The following RAB27B variants were observed in gnomAD, a reference collection of about 807,000 sequenced individuals.
The protein encoded by RAB27B is ras-related protein Rab-27B.
RAB27B carries 15 observed loss-of-function variants against 24.6 expected under a neutral mutation model. The ratio of observed to expected loss-of-function variants is 0.61; its 90% confidence interval spans 0.41 to 0.94. RAB27B has a LOEUF of 0.94. Ranked by LOEUF, RAB27B falls within the 40% of genes least tolerant of loss-of-function variation. The pLI, the probability that RAB27B is intolerant of heterozygous loss-of-function variation, is 0.00. For missense variants in RAB27B, 261 were observed against 266.8 expected, an observed-to-expected ratio of 0.98 and a Z score of 0.15; for synonymous variants, 105 against 92.5, an observed-to-expected ratio of 1.14 and a Z score of -0.78.
chr18:54,718,150 G>A (rs1398319411), intron 2 of RAB27B: 1 of 152,170 alleles, frequency 6.6e-6, no homozygotes, highest in African/African-American at 2.4e-5. Flanking sequence ...GTGTGAGTAC[G>A]TTGGTCACAG....
chr18:54,824,940 C>T (rs1400268510), upstream of RAB27B, among the ~76,000 whole-genome samples: 1 of 152,014 alleles, frequency 6.6e-6, no homozygotes, highest in East Asian at 1.9e-4. Flanking sequence ...GTTGGGCCTG[C>T]ATTTTTGGGG....
At chr18:54,780,430 C>T (rs1908876793) in intron 2 of RAB27B, among the ~76,000 whole-genome samples, 1 of 144,986 alleles carries the variant, frequency 6.9e-6, no homozygotes, top group Non-Finnish European at 1.5e-5. Context: ...TGGCTTCCCC[C>T]TCACCGTGTC....
chr18:54,744,477 C>T (rs1270390526), intron 2 of RAB27B, among the ~76,000 whole-genome samples: 4 of 152,136 alleles, frequency 2.6e-5, no homozygotes, highest in African/African-American at 9.7e-5. Context: ...AGGCCCAAGG[C>T]TATCTGAGGA....
Position 54,813,193 on chromosome 18 carries a change from A to G in RAB27B, c.-19-64374A>G, listed in dbSNP as rs190260308. On this transcript the variant is annotated intron_variant, in intron 2 of 4. Coordinates refer to the RAB27B transcript ENST00000586570. ...CCCATCTGCTTATTGAAAAATAAAT[A>G]AGATAGGAGTTTCTTACCTTCTTCT... Among the ~76,000 whole-genome samples, 4 of 152,266 alleles carry G rather than the reference A, an allele frequency of 2.6e-5. No homozygotes were observed. The East Asian group carries it at 7.7e-4, about 29-fold the overall frequency.
In RAB27B at chr18:54,889,299, C is replaced by T. The variant is rs1568118396; in HGVS notation, c.543C>T (p.Ile181=). 3 of 1,613,408 alleles carry T rather than the reference C, an allele frequency of 1.9e-6. No homozygotes were observed. The highest frequency in any genetic ancestry group is 1.1e-5 in the South Asian group (1 of 91,032). ...EKAVETLLDL[I]MKRMEQCVEK... ...CTGTAGAAACCCTTTTGGACTTAAT[C>T]ATGAAGCGAATGGAACAGTGTGTGG... Residue 181 remains isoleucine (I), a synonymous_variant, in exon 6 of 6, where the codon ATC becomes ATT. Transcript: ENST00000262094.
At chr18:54,726,386 G>A (rs1909537982) in intron 2 of RAB27B, among the ~76,000 whole-genome samples, 1 of 151,442 alleles carries the variant, frequency 6.6e-6, no homozygotes. Flanking sequence ...ATTTTTGCTT[G>A]TTTTCAGGTT....
chr18:54,826,135 A>C (rs1288837474), upstream of RAB27B, among the ~76,000 whole-genome samples: 1 of 152,242 alleles, frequency 6.6e-6, no homozygotes, highest in Admixed American at 6.5e-5. Context: ...TTGAGGAGAG[A>C]TGAAATACAT....
rs1411878846 is a variant in RAB27B, at chr18:54,889,641, A to T, written c.*228A>T. 2.5e-6 allele frequency: 1 copy of T among 404,488 alleles called. No individual in the cohort carries two copies. 25.1% of individuals were successfully genotyped at this position (404,488 alleles called of 1,614,324 possible). On this transcript the variant is annotated 3_prime_UTR_variant, in exon 6 of 6. Coordinates refer to ENST00000262094, the MANE Select transcript of RAB27B (RefSeq NM_004163.4). ...ATCAAAGATTTCCCAATGTGATCTC[A>T]TCATCATGGATACTCAATTTGTTTT... is the stretch of plus-strand genomic sequence containing the variant.
At chr18:54,825,832 C>A (rs1330266777), upstream of RAB27B, among the ~76,000 whole-genome samples, 1 of 152,132 alleles carries the variant, frequency 6.6e-6, no homozygotes, top group African/African-American at 2.4e-5. Context: ...GACGTATAAC[C>A]AAACCCCTGT....
intron 2 of RAB27B, among the ~76,000 whole-genome samples, chr18:54,768,785 A>G (rs1908448019): frequency 6.6e-6 from 1 of 152,064 alleles, no homozygotes; most frequent in South Asian, 2.1e-4. Context: ...ACAACGGGGG[A>G]AATGACAGAC....
intron 2 of RAB27B, among the ~76,000 whole-genome samples, chr18:54,730,158 GT>G (rs1203852112): frequency 6.6e-6 from 1 of 152,134 alleles, no homozygotes; most frequent in East Asian, 1.9e-4. Flanking sequence ...GAGTGAAGAG[GT>G]TGTATCTTTT....
chr18:54,883,336 A>G (rs757068187), intron 3 of RAB27B, among the ~76,000 whole-genome samples: 11 of 152,206 alleles, frequency 7.2e-5, no homozygotes, highest in Non-Finnish European at 1.3e-4. Context: ...AAGAGGGGTC[A>G]AGAATAGACC....
intron 2 of RAB27B, among the ~76,000 whole-genome samples, chr18:54,795,167 A>T (rs1463563626): frequency 6.6e-6 from 1 of 152,180 alleles, no homozygotes; most frequent in African/African-American, 2.4e-5. Context: ...ATCCACTGTC[A>T]CATGCCTGAG....
In RAB27B at chr18:54,822,639, C is replaced by A. The variant is rs533901352; in HGVS notation, c.-19-54928C>A. The stretch of plus-strand genomic sequence containing the variant: ...TTTATGTATGTGTATTGTCATATGA[C>A]TTGTAGAAAATGAATTATTCTTTCC... On this transcript the variant is annotated intron_variant, in intron 2 of 4. Coordinates refer to the RAB27B transcript ENST00000586570. Among the ~76,000 whole-genome samples the A allele has an allele frequency of 3.9e-5, 6 of 152,240 alleles. No homozygotes were observed. The South Asian group carries it at 1.0e-3, about 26-fold the overall frequency.
chr18:54,760,128 G>A (rs969383131), intron 2 of RAB27B, among the ~76,000 whole-genome samples: 2 of 152,244 alleles, frequency 1.3e-5, no homozygotes, highest in South Asian at 2.1e-4. Flanking sequence ...AGAAGCTGCC[G>A]TGGGGGCCAC....
intron 1 of RAB27B, among the ~76,000 whole-genome samples, chr18:54,862,005 T>C (rs139268633): frequency 2.2e-3 from 342 of 152,306 alleles, no homozygotes; most frequent in African/African-American, 7.9e-3. Context: ...TACATTTATT[T>C]TTCTTGTTCC....
At chr18:54,770,905 A>G (rs1366176313) in intron 2 of RAB27B, among the ~76,000 whole-genome samples, 1 of 152,186 alleles carries the variant, frequency 6.6e-6, no homozygotes, top group African/African-American at 2.4e-5. Flanking sequence ...TGGGGTTCGA[A>G]TTAGAAATGC....
chr18:54,766,641 C>G (rs922639421), intron 2 of RAB27B, among the ~76,000 whole-genome samples: 2 of 152,106 alleles, frequency 1.3e-5, no homozygotes, highest in African/African-American at 4.8e-5. Context: ...GCATACCAAT[C>G]TGTGAAATAT....
At chr18:54,799,424 ATACT>A (rs1909525366) in intron 2 of RAB27B, among the ~76,000 whole-genome samples, 3 of 152,138 alleles carry the variant, frequency 2.0e-5, no homozygotes, top group African/African-American at 7.2e-5. Context: ...ATAAGATACT[ATACT>A]AAGTATCCCC....
Sources: allele counts gnomAD v4.1 joint callset (sites outside exome capture counted in the v4.1 genomes callset), GRCh38; gene constraint gnomAD v4.1.1; transcripts MANE v1.5; gene names NCBI Gene and HGNC (gene_info 2026-07-23, HGNC 2026-07-21).